The following CLDN16 variants were observed in gnomAD, a reference collection of about 807,000 sequenced individuals.
The protein encoded by CLDN16 is claudin-16.
In CLDN16, 13 loss-of-function variants were observed where a neutral mutation model predicts 24.6. The ratio of observed to expected loss-of-function variants is 0.53; its 90% CI spans 0.34 to 0.84. The LOEUF is 0.84. CLDN16 is among the 40% of genes least tolerant of loss of function. CLDN16 has a pLI of 0.01. For synonymous variants in CLDN16, 116 were observed against 106.7 expected (o/e 1.09, Z -0.54); for missense variants, 298 against 292.7 (o/e 1.02, Z -0.13).
intron 3 of CLDN16, among the ~76,000 whole-genome samples, chr3:190,406,164 G>C (rs3774004): frequency 0.52 from 78,660 of 152,008 alleles, 21,911 homozygotes; most frequent in African/African-American, 0.74. Context: ...ACAGCAAACT[G>C]TTAGCTGACT....
At chr3:190,381,785 C>A (rs953303102) in intron 3 of CLDN16, among the ~76,000 whole-genome samples, 1 of 152,062 alleles carries the variant, frequency 6.6e-6, no homozygotes, top group African/African-American at 2.4e-5. Flanking sequence ...GTGATAAGGA[C>A]TCAACCTAAC....
chr3:190,365,732 T>C (rs1326722842), intron 1 of CLDN16, among the ~76,000 whole-genome samples: 3 of 151,614 alleles, frequency 2.0e-5, no homozygotes, highest in African/African-American at 7.3e-5. Context: ...GTCCAGTATA[T>C]ACACAGTCTC....
At chr3:190,308,121 G>T in the CLDN16 span, 1 of 860,080 alleles carries the variant, frequency 1.2e-6, no homozygotes, top group Non-Finnish European at 1.9e-6. Flanking sequence ...TTAGCACTGA[G>T]TATTTTAACA....
the CLDN16 span, among the ~76,000 whole-genome samples, chr3:190,297,982 A>G: frequency 1.9e-4 from 29 of 152,106 alleles, no homozygotes; most frequent in African/African-American, 5.8e-4. Flanking sequence ...CATCCATGAA[A>G]CTAAACGCCC....
chr3:190,301,348 A>G, the CLDN16 span, among the ~76,000 whole-genome samples: 6 of 152,180 alleles, frequency 3.9e-5, no homozygotes, highest in East Asian at 9.7e-4. Context: ...TACAAAAATT[A>G]GCCGGGTGTG....
At position 190,410,317 on chromosome 3, in the gene CLDN16, T is replaced by C; in HGVS notation, c.*281T>C. 5.0e-6 allele frequency: 2 copies of C among 401,822 alleles called. No individual in the cohort carries two copies. Among genetic ancestry groups the C allele is most frequent in the South Asian group, 2.7e-5 (1 of 36,782 alleles). The allele number at this position is 401,822 out of a possible 1,614,324, so 24.9% of individuals were successfully genotyped here. A position where few individuals can be genotyped will look rare whatever the true frequency, so the allele number is the denominator to read the frequency against. ...GAAATATTTGTTTGTGATTTCTATA[T>C]AGCTATTAGAGATTATGACATAGTA... On this transcript the variant is annotated 3_prime_UTR_variant, in exon 5 of 5. Coordinates refer to ENST00000264734, the MANE Select transcript of CLDN16 (RefSeq NM_006580.4).
intron 1 of CLDN16, among the ~76,000 whole-genome samples, chr3:190,400,356 C>T (rs879789383): frequency 1.1e-4 from 17 of 152,102 alleles, no homozygotes; most frequent in Admixed American, 4.6e-4. Context: ...CTCCTGCCTC[C>T]CGAGTGGCTG....
chr3:190,293,350 A>G, the CLDN16 span, among the ~76,000 whole-genome samples: 1 of 152,222 alleles, frequency 6.6e-6, no homozygotes, highest in Non-Finnish European at 1.5e-5. Flanking sequence ...TTGAAATGAT[A>G]TTTGGGTGGG....
intron 1 of CLDN16, among the ~76,000 whole-genome samples, chr3:190,348,370 G>C (rs1717601646): frequency 6.8e-6 from 1 of 146,992 alleles, no homozygotes; most frequent in Non-Finnish European, 1.5e-5. Context: ...TGTGTGGTGT[G>C]TGTCTTTGGA....
chr3:190,304,095 T>G, the CLDN16 span, among the ~76,000 whole-genome samples: 1 of 152,176 alleles, frequency 6.6e-6, no homozygotes, highest in African/African-American at 2.4e-5. Flanking sequence ...CTGCTAGGAC[T>G]CTCCTCTCAG....
intron 1 of CLDN16, among the ~76,000 whole-genome samples, chr3:190,329,154 G>A (rs1717131328): frequency 6.6e-6 from 1 of 152,160 alleles, no homozygotes; most frequent in Admixed American, 6.5e-5. Flanking sequence ...AGAGATATAA[G>A]TTAATTTAAT....
chr3:190,303,949 G>C, the CLDN16 span, among the ~76,000 whole-genome samples: 3 of 152,148 alleles, frequency 2.0e-5, no homozygotes, highest in Non-Finnish European at 4.4e-5. Context: ...TAGGGAAAGG[G>C]TGAACTGACA....
intron 3 of CLDN16, among the ~76,000 whole-genome samples, chr3:190,378,392 A>G (rs575362705): frequency 1.1e-4 from 16 of 152,140 alleles, no homozygotes; most frequent in Middle Eastern, 3.4e-3. Flanking sequence ...AACAGGATAT[A>G]CAGTACAATA....
At position 190,410,675 on chromosome 3, in the gene CLDN16, T is replaced by C. The variant is rs1719254548; in HGVS notation, c.*639T>C. The C allele has an allele frequency of 6.6e-6, 1 of 152,520 alleles. No homozygotes were observed. Among genetic ancestry groups the C allele is most frequent in the South Asian group, 2.1e-4 (1 of 4,834 alleles). The allele number at this position is 152,520 out of a possible 1,614,324, so 9.4% of individuals were successfully genotyped here. ...AATGCTAAATTGATACTGGAGCTCG[T>C]GGTGACTTTCTACCTCACTAACAAC... On this transcript the variant is annotated 3_prime_UTR_variant, in exon 5 of 5. Transcript: ENST00000264734.
At chr3:190,366,120 T>C (rs1718016866) in intron 1 of CLDN16, among the ~76,000 whole-genome samples, 1 of 151,978 alleles carries the variant, frequency 6.6e-6, no homozygotes, top group African/African-American at 2.4e-5. Flanking sequence ...CTGGGCCTGC[T>C]TTTATTGTCC....
intron 1 of CLDN16, among the ~76,000 whole-genome samples, chr3:190,333,359 G>A (rs981257529): frequency 6.6e-6 from 1 of 151,844 alleles, no homozygotes. Flanking sequence ...GAAATATTTG[G>A]GCCAATGGCA....
At chr3:190,381,036 A>G (rs142315855) in intron 3 of CLDN16, among the ~76,000 whole-genome samples, 75 of 152,248 alleles carry the variant, frequency 4.9e-4, no homozygotes, top group African/African-American at 1.7e-3. Flanking sequence ...GGGGAACCCA[A>G]AGTTAATTCT....
upstream of CLDN16, among the ~76,000 whole-genome samples, chr3:190,318,182 G>A (rs1479676204): frequency 2.6e-5 from 4 of 152,194 alleles, no homozygotes; most frequent in African/African-American, 9.7e-5. Flanking sequence ...AATCAGGAGT[G>A]AAAATGATCC....
chr3:190,307,724 A>G, the CLDN16 span: 2 of 152,922 alleles, frequency 1.3e-5, no homozygotes, highest in African/African-American at 4.8e-5. Flanking sequence ...CGCATGAAGA[A>G]TTGAAAGAAT....
Sources: allele counts gnomAD v4.1 joint callset (sites outside exome capture counted in the v4.1 genomes callset), GRCh38; gene constraint gnomAD v4.1.1; transcripts MANE v1.5; gene names NCBI Gene and HGNC (gene_info 2026-07-23, HGNC 2026-07-21).